Variants in NOTCH3 observed in about 807,000 individuals in gnomAD.
The protein encoded by NOTCH3 is neurogenic locus notch homolog protein 3.
NOTCH3 carries 86 observed loss-of-function variants against 213.3 expected under a neutral mutation model. The ratio of observed to expected loss-of-function variants is 0.40; its 90% CI spans 0.34 to 0.48. NOTCH3 has a LOEUF of 0.48. NOTCH3 is among the 20% of genes least tolerant of loss of function. The pLI is 0.57. For missense variants in NOTCH3, 2,783 were observed against 3,272.6 expected (o/e 0.85, Z 3.65); for synonymous variants, 1,354 against 1,355.9 (o/e 1.00, Z 0.03).
In NOTCH3 at chr19:15,200,951, C is replaced by T. The variant is rs972716066; in HGVS notation, c.-46G>A. On this transcript the variant is annotated 5_prime_UTR_variant, in exon 1 of 33. Transcript: ENST00000263388. ...CCCTCCTCCCTCCTTCCCTGGGCTC[C>T]GGGCGCGTCCCGGGCCAGCCTCCGC... The T allele has an allele frequency of 2.5e-5, 6 of 237,014 alleles. No homozygotes were observed. The highest frequency in any genetic ancestry group is 4.6e-5 in the Non-Finnish European group (6 of 129,306). 14.7% of individuals were successfully genotyped at this position (237,014 alleles called of 1,614,324 possible). A position where few individuals can be genotyped will look rare whatever the true frequency, so the allele number is the denominator to read the frequency against.
Position 15,162,556 on chromosome 19 carries a change from G to T in NOTCH3, c.5822C>A (p.Ser1941Ter). The T allele has an allele frequency of 6.2e-7, 1 of 1,613,746 alleles. No individual in the cohort carries two copies. The highest frequency in any genetic ancestry group is 1.1e-5 in the South Asian group (1 of 91,050). Residue 1941 changes from serine (S) to a stop codon, truncating the protein, a stop_gained, in exon 32 of 33, where the codon TCA becomes TAA. Transcript: ENST00000263388. LOFTEE classifies it high-confidence loss of function. ...CACAGCCGCAGCCCAGTGTAAGGCTGATTTCCCTGGAGGATGAAGGGGAGA... is the reference window on the plus strand; with the variant it reads ...CACAGCCGCAGCCCAGTGTAAGGCTTATTTCCCTGGAGGATGAAGGGGAGA... ...DVNAVDELGKSALHWAAAVNN... is the reference protein window; with the variant it reads ...DVNAVDELGK
At position 15,192,519 on chromosome 19, in the gene NOTCH3, C is replaced by T. The variant is rs1234704155; in HGVS notation, c.198G>A (p.Leu66=). ...TQLPSREAAC[L]CPPGWVGERC... Reference sequence around the variant, plus strand: ...GCTCACCCACCCAGCCAGGCGGGCACCTGTGGGCAGAGATGGCTTGGTTGG... The same window carrying T: ...GCTCACCCACCCAGCCAGGCGGGCATCTGTGGGCAGAGATGGCTTGGTTGG... The change falls in exon 3 of 33, where the codon CTG becomes CTA. Residue 66 remains leucine, a splice_region_variant and synonymous_variant. Coordinates refer to ENST00000263388, the MANE Select transcript of NOTCH3 (RefSeq NM_000435.3). The T allele has an allele frequency of 1.3e-6, 2 of 1,581,276 alleles. No individual in the cohort carries two copies. Among genetic ancestry groups the T allele is most frequent in the Non-Finnish European group, 1.7e-6 (2 of 1,164,230 alleles).
Position 15,170,745 on chromosome 19 carries a change from C to G in NOTCH3, c.4817G>C (p.Ser1606Thr). 1 of 1,611,382 alleles carries G rather than the reference C, an allele frequency of 6.2e-7. No homozygotes were observed. The highest frequency in any genetic ancestry group is 8.5e-7 in the Non-Finnish European group (1 of 1,179,148). The change falls in exon 26 of 33, where the codon AGC becomes ACC. Residue 1606 changes from serine to threonine, a missense_variant. Ser to Thr is a moderately conservative substitution (Grantham distance 58, BLOSUM62 1). Around this residue, in one of 6 missense-constraint regions of NOTCH3, gnomAD observed 636 missense variants for 801.8 expected, o/e 0.79. Transcript: ENST00000263388. ...CAACGCTCCCAGGTAGTCAGCGGCG[C>G]TCTGGGCATCGGGGAAGCAGTGATC... ...ENDHCFPDAQ[S>T]AADYLGALSA... is the part of the protein sequence containing the mutation.
chr19:15,169,104 AAGGTTATATG>A (rs2046708459), intron 28 of NOTCH3, among the ~76,000 whole-genome samples: 1 of 151,538 alleles, frequency 6.6e-6, no homozygotes, highest in South Asian at 2.1e-4. Flanking sequence ...GGAGGTAATT[AAGGTTATATG>A]AGGTTATAAA....
At position 15,200,913 on chromosome 19, in the gene NOTCH3, G is replaced by C. The variant is rs2047008126; in HGVS notation, c.-8C>G. 2.7e-6 allele frequency: 1 copy of C among 364,140 alleles called. No homozygotes were observed. The allele number at this position is 364,140 out of a possible 1,614,324, so 22.6% of individuals were successfully genotyped here. A position where few individuals can be genotyped will look rare whatever the true frequency, so the allele number is the denominator to read the frequency against. On this transcript the variant is annotated 5_prime_UTR_variant, in exon 1 of 33. Transcript: ENST00000263388. ...ACGGGCCCCCGGCCCCATGGCGGCC[G>C]GCCGCGACCCTCCCCTCCTCCCTCC... is the stretch of plus-strand genomic sequence containing the variant.
Position 15,200,956 on chromosome 19 carries a change from G to A in NOTCH3, c.-51C>T, listed in dbSNP as rs1025654155. 2.2e-5 allele frequency: 5 copies of A among 229,080 alleles called. No individual in the cohort carries two copies. Among genetic ancestry groups the A allele is most frequent in the Admixed American group, 5.8e-5 (1 of 17,146 alleles). The allele number at this position is 229,080 out of a possible 1,614,324, so 14.2% of individuals were successfully genotyped here. A position where few individuals can be genotyped will look rare whatever the true frequency, so the allele number is the denominator to read the frequency against. ...CTCCCTCCTTCCCTGGGCTCCGGGC[G>A]CGTCCCGGGCCAGCCTCCGCGCCGC... On this transcript the variant is annotated 5_prime_UTR_variant, in exon 1 of 33. Coordinates refer to ENST00000263388, the MANE Select transcript of NOTCH3 (RefSeq NM_000435.3).
At chr19:15,199,796 G>A (rs2046996938) in intron 1 of NOTCH3, among the ~76,000 whole-genome samples, 1 of 152,068 alleles carries the variant, frequency 6.6e-6, no homozygotes, top group Non-Finnish European at 1.5e-5. Flanking sequence ...GTTCACTCCC[G>A]AAACCCCCAC....
chr19:15,196,310 G>A (rs1380456673), intron 2 of NOTCH3, among the ~76,000 whole-genome samples: 1 of 152,112 alleles, frequency 6.6e-6, no homozygotes, highest in African/African-American at 2.4e-5. Flanking sequence ...GCCCTCCCAG[G>A]TGTGTGGCTC....
intron 23 of NOTCH3, chr19:15,178,603 T>C: frequency 1.7e-6 from 1 of 602,492 alleles, no homozygotes; most frequent in Non-Finnish European, 3.0e-6. Flanking sequence ...CAGGCTGGTC[T>C]CTAACTCCTG....
chr19:15,190,252 T>C (rs1471234865), intron 6 of NOTCH3, among the ~76,000 whole-genome samples: 2 of 152,106 alleles, frequency 1.3e-5, no homozygotes, highest in Admixed American at 6.6e-5. Flanking sequence ...CCAGCCTGGG[T>C]GACAAAGTGA....
intron 2 of NOTCH3, among the ~76,000 whole-genome samples, chr19:15,194,901 G>A (rs1338277288): frequency 6.7e-6 from 1 of 149,426 alleles, no homozygotes; most frequent in Non-Finnish European, 1.5e-5. Flanking sequence ...AGGCTGCAGT[G>A]AGCCAAGATC....
Position 15,181,577 on chromosome 19 carries a change from T to C in NOTCH3, c.2791A>G (p.Ser931Gly), listed in dbSNP as rs2145423783. Residue 931 changes from serine (S) to glycine (G), a missense_variant and splice_region_variant, in exon 17 of 33, where the codon AGC becomes GGC. This residue lies in a region of NOTCH3 where 861 missense variants were observed against 909.1 expected (regional missense o/e 0.95). Transcript: ENST00000263388. ...TCTCCAAGCAGAGGCCCCGCCCACC[T>C]GGGGCTGCAGTCGGGCAGGTCCTGT... is the stretch of plus-strand genomic sequence containing the variant. ...CEQDLPDCSP[S>G]SCFNGGTCVD... 1.3e-6 allele frequency: 2 copies of C among 1,550,094 alleles called. No individual in the cohort carries two copies. Among genetic ancestry groups the C allele is most frequent in the Non-Finnish European group, 8.7e-7 (1 of 1,146,552 alleles).
intron 23 of NOTCH3, 118 bp from the exon 24 acceptor site, chr19:15,178,208 G>C: frequency 7.9e-6 from 5 of 635,204 alleles, no homozygotes; most frequent in South Asian, 2.0e-5. Context: ...GGGAAGAGAA[G>C]AGGTCAAGAC....
chr19:15,174,082 G>T lies in NOTCH3; in HGVS notation c.4722C>A (p.Ala1574=), dbSNP rs575295848. 6.3e-7 allele frequency: 1 copy of T among 1,583,518 alleles called. No homozygotes were observed. Among genetic ancestry groups the T allele is most frequent in the Admixed American group, 1.7e-5 (1 of 58,730 alleles). ...GSEPRARREL[A]PEVIGSVVML... ...GGGTCACTCACCCGATCACCTCGGG[G>T]GCCAGCTCCCGACGGGCCCGGGGTT... The change falls in exon 25 of 33, where the codon GCC becomes GCA. Residue 1574 remains alanine, a synonymous_variant. Coordinates refer to ENST00000263388, the MANE Select transcript of NOTCH3 (RefSeq NM_000435.3).
Position 15,161,433 on chromosome 19 carries a change from C to G in NOTCH3, c.6195G>C (p.Arg2065Ser), listed in dbSNP as rs1168179879. The change falls in exon 33 of 33, where the codon AGG becomes AGC. Residue 2065 changes from arginine (R) to serine (S), a missense_variant. Coordinates refer to ENST00000263388, the MANE Select transcript of NOTCH3 (RefSeq NM_000435.3). ...GCCCCAGCCCCGCCTTCCCGGGGGG[C>G]CTCCTGCTCTTCTTGGACCCCGACT... ...AAQSGSKKSR[R>S]PPGKAGLGPQ... The G allele has an allele frequency of 6.5e-7, 1 of 1,538,756 alleles. No individual in the cohort carries two copies. The highest frequency in any genetic ancestry group is 2.4e-5 in the East Asian group (1 of 41,106).
chr19:15,168,197 C>T (rs904129905), intron 28 of NOTCH3, among the ~76,000 whole-genome samples: 2 of 152,118 alleles, frequency 1.3e-5, no homozygotes, highest in African/African-American at 4.8e-5. Context: ...TTCTCATTGG[C>T]AAAATCAGGA....
intron 25 of NOTCH3, among the ~76,000 whole-genome samples, chr19:15,172,283 T>C (rs1442325142): frequency 6.6e-6 from 1 of 152,164 alleles, no homozygotes; most frequent in Non-Finnish European, 1.5e-5. Flanking sequence ...CTCTCCCCAC[T>C]CCTTTGAGTC....
intron 2 of NOTCH3, among the ~76,000 whole-genome samples, chr19:15,196,056 T>C (rs2046967987): frequency 6.6e-6 from 1 of 150,602 alleles, no homozygotes; most frequent in African/African-American, 2.4e-5. Flanking sequence ...GGGGGCATCC[T>C]TGAAAGGACT....
In NOTCH3 at chr19:15,174,271, G is replaced by A. The variant is rs2145409071; in HGVS notation, c.4533C>T (p.Gly1511=). The change falls in exon 25 of 33, where the codon GGC becomes GGT. Residue 1511 remains glycine (G), a synonymous_variant. Coordinates refer to ENST00000263388, the MANE Select transcript of NOTCH3 (RefSeq NM_000435.3). ...GCAGCAGCACTGTGAGCACCAGCAC[G>A]CCGCGGGCCAGCAGGGCCGGCACCT... is the stretch of plus-strand genomic sequence containing the variant. The part of the protein sequence containing the change: ...ASEVPALLAR[G]VLVLTVLLPP... 1.3e-6 allele frequency: 2 copies of A among 1,569,888 alleles called. No homozygotes were observed. Among genetic ancestry groups the A allele is most frequent in the Non-Finnish European group, 1.7e-6 (2 of 1,160,632 alleles).
Sources: allele counts gnomAD v4.1 joint callset (sites outside exome capture counted in the v4.1 genomes callset), GRCh38; gene constraint gnomAD v4.1.1; regional missense constraint gnomAD v4.1.1; transcripts MANE v1.5; gene names NCBI Gene and HGNC (gene_info 2026-07-23, HGNC 2026-07-21).